Variants in NUP205 observed in about 807,000 individuals in gnomAD.
The protein encoded by NUP205 is nucleoporin 205.
Under a neutral mutation model 253.8 loss-of-function variants are expected in NUP205, and 76 were observed. The ratio of observed to expected loss-of-function variants is 0.30; its 90% CI spans 0.25 to 0.36. The LOEUF is 0.36. NUP205 is among the 10% of genes least tolerant of loss of function. The pLI, the probability that NUP205 is intolerant of heterozygous loss-of-function variation, is 1.00. For synonymous variants in NUP205, 832 were observed against 850.1 expected, an observed-to-expected ratio of 0.98 and a Z score of 0.37; for missense variants, 2,162 against 2,425.5, an observed-to-expected ratio of 0.89 and a Z score of 2.28.
chr7:135,570,788 T>TAA (rs35185893), intron 1 of NUP205, among the ~76,000 whole-genome samples: 3,868 of 48,432 alleles, frequency 0.08, 549 homozygotes, highest in African/African-American at 0.17. Flanking sequence ...TTAATTATAT[T>TAA]TATATATTAT....
At chr7:135,629,959 A>G (rs1794676391) in intron 34 of NUP205, among the ~76,000 whole-genome samples, 1 of 152,186 alleles carries the variant, frequency 6.6e-6, no homozygotes, top group Non-Finnish European at 1.5e-5. Context: ...TTTTATACCC[A>G]TTTATATTAC....
At chr7:135,586,601 A>G (rs1438685377) in intron 8 of NUP205, among the ~76,000 whole-genome samples, 1 of 152,132 alleles carries the variant, frequency 6.6e-6, no homozygotes, top group African/African-American at 2.4e-5. Flanking sequence ...GCTATGCCAC[A>G]CAAATTTTGA....
intron 28 of NUP205, 55 bp downstream of exon 28, chr7:135,618,658 A>C (rs1020673663): frequency 2.1e-5 from 30 of 1,427,660 alleles, no homozygotes; most frequent in Middle Eastern, 1.8e-4. Context: ...CATTTAAACA[A>C]ATATATTTTG....
chr7:135,576,550 T>TA (rs1439825510), intron 4 of NUP205, 136 bp downstream of exon 4: 5 of 740,656 alleles, frequency 6.8e-6, no homozygotes, highest in African/African-American at 1.8e-5. Context: ...CCAAGACAGA[T>TA]ATAACAATTT....
Position 135,580,558 on chromosome 7 carries a change from T to C in NUP205, c.1042+1643T>C, listed in dbSNP as rs186892668. On this transcript the variant is annotated intron_variant, in intron 7 of 42. Coordinates refer to ENST00000285968, the MANE Select transcript of NUP205 (RefSeq NM_015135.3). ...TCAGGTCACTGCAACCTCTGCCTCC[T>C]GGGTTCAAGCAATTCTGCCTCAGCC... Among the ~76,000 whole-genome samples, 547 of 152,228 alleles carry C rather than the reference T, an allele frequency of 3.6e-3. 1 individual carries two copies. Among genetic ancestry groups the C allele is most frequent in the Middle Eastern group, 6.8e-3 (2 of 294 alleles).
chr7:135,571,232 A>G lies in NUP205; in HGVS notation c.156A>G (p.Ser52=), dbSNP rs1167563851. The change falls in exon 2 of 43, where the codon TCA becomes TCG. Residue 52 remains serine (S), a synonymous_variant. Coordinates refer to ENST00000285968, the MANE Select transcript of NUP205 (RefSeq NM_015135.3). ...AGAAACACAAACCTGACTTCATCTCATTGTTCAAAAATCCGGTAAGAAATT... is the reference window on the plus strand; with the variant it reads ...AGAAACACAAACCTGACTTCATCTCGTTGTTCAAAAATCCGGTAAGAAATT... The part of the protein sequence containing the change: ...ILKKHKPDFI[S]LFKNPPKNVQ... The G allele has an allele frequency of 1.4e-6, 2 of 1,388,414 alleles. No homozygotes were observed. Among genetic ancestry groups the G allele is most frequent in the African/African-American group, 1.5e-5 (1 of 66,316 alleles). The allele number at this position is 1,388,414 out of a possible 1,614,324, so 86.0% of individuals were successfully genotyped here. A position where few individuals can be genotyped will look rare whatever the true frequency, so the allele number is the denominator to read the frequency against.
chr7:135,589,392 G>T (rs145258821), intron 10 of NUP205, among the ~76,000 whole-genome samples: 1 of 150,524 alleles, frequency 6.6e-6, no homozygotes, highest in Admixed American at 6.6e-5. Flanking sequence ...AGATTCAAGC[G>T]ATTCTCCTGT....
chr7:135,563,248 C>T (rs914743844), intron 1 of NUP205, among the ~76,000 whole-genome samples: 22 of 152,112 alleles, frequency 1.4e-4, no homozygotes, highest in East Asian at 5.8e-4. Flanking sequence ...AGTGCAGTGG[C>T]GTGATCTCGG....
chr7:135,630,680 T>G (rs1348258389), intron 35 of NUP205, among the ~76,000 whole-genome samples: 1 of 152,164 alleles, frequency 6.6e-6, no homozygotes, highest in East Asian at 1.9e-4. Flanking sequence ...TCTCATCACT[T>G]TGAAAGGCTG....
At chr7:135,566,755 T>C (rs1376909000) in intron 1 of NUP205, among the ~76,000 whole-genome samples, 1 of 152,112 alleles carries the variant, frequency 6.6e-6, no homozygotes, top group Non-Finnish European at 1.5e-5. Context: ...TTTTGTTTTT[T>C]GAGACGGAGT....
At chr7:135,616,829 G>A (rs1236578804) in intron 25 of NUP205, 103 bp downstream of exon 25, 6 of 710,118 alleles carry the variant, frequency 8.4e-6, no homozygotes, top group South Asian at 2.9e-5. Flanking sequence ...CTCTGAACTG[G>A]TATAGAAAAG....
intron 8 of NUP205, among the ~76,000 whole-genome samples, chr7:135,585,430 G>A (rs762382729): frequency 2.0e-5 from 3 of 152,132 alleles, no homozygotes; most frequent in Non-Finnish European, 4.4e-5. Context: ...ATGCTTCTGT[G>A]GGTAGAAAAT....
At position 135,604,263 on chromosome 7, in the gene NUP205, C is replaced by T. The variant is rs371760579; in HGVS notation, c.2703-77C>T. The T allele has an allele frequency of 4.3e-5, 57 of 1,330,902 alleles. No individual in the cohort carries two copies. In the East Asian group the frequency reaches 6.2e-4, roughly 15 times the overall value. The allele number at this position is 1,330,902 out of a possible 1,614,324, so 82.4% of individuals were successfully genotyped here. A position where few individuals can be genotyped will look rare whatever the true frequency, so the allele number is the denominator to read the frequency against. ...TGTATGGGCAGGGGAAGCCCTGGTT[C>T]TAAATTTTCTTTATTGAGAATAGTG... is the stretch of plus-strand genomic sequence containing the variant. On this transcript the variant is annotated intron_variant, in intron 18 of 42. Coordinates refer to ENST00000285968, the MANE Select transcript of NUP205 (RefSeq NM_015135.3).
At chr7:135,595,975 C>T (rs1793825512) in intron 13 of NUP205, among the ~76,000 whole-genome samples, 2 of 151,904 alleles carry the variant, frequency 1.3e-5, no homozygotes, top group South Asian at 2.1e-4. Context: ...GCTCTTGTTG[C>T]CCAGGCTGGA....
At chr7:135,634,046 A>G (rs957647569) in intron 35 of NUP205, among the ~76,000 whole-genome samples, 2 of 152,168 alleles carry the variant, frequency 1.3e-5, no homozygotes, top group African/African-American at 4.8e-5. Context: ...TACCTCCACA[A>G]ATCTTATCAG....
Position 135,638,001 on chromosome 7 carries a change from A to G in NUP205, c.5207A>G (p.Asp1736Gly), listed in dbSNP as rs746586339. ...DRLRQFKFQDDNVEGDKVSKK... is the reference protein window; with the variant it reads ...DRLRQFKFQDGNVEGDKVSKK... ...CTGCGTCAGTTTAAATTTCAAGACG[A>G]TAATGTGGAGGGAGATAAAGTAAGC... Residue 1736 changes from aspartate (D) to glycine (G), a missense_variant, in exon 37 of 43, where the codon GAT (aspartate) becomes GGT (glycine). Asp to Gly is a moderately conservative substitution (Grantham distance 94). Around this residue, in one of 5 missense-constraint regions of NUP205, gnomAD observed 1,144 missense variants for 1,280.9 expected, o/e 0.89. Coordinates refer to ENST00000285968, the MANE Select transcript of NUP205 (RefSeq NM_015135.3). 3.7e-6 allele frequency: 6 copies of G among 1,614,152 alleles called. No individual in the cohort carries two copies. Among genetic ancestry groups the G allele is most frequent in the South Asian group, 1.1e-5 (1 of 91,082 alleles).
intron 28 of NUP205, 42 bp downstream of exon 28, chr7:135,618,645 T>C: frequency 6.9e-7 from 1 of 1,459,750 alleles, no homozygotes. Flanking sequence ...TGAACGAATG[T>C]ATCATTTAAA....
intron 15 of NUP205, 62 bp downstream of exon 15, chr7:135,598,269 G>T (rs1331653771): frequency 2.1e-6 from 3 of 1,395,622 alleles, no homozygotes; most frequent in Non-Finnish European, 3.0e-6. Context: ...TTTATCAAAA[G>T]TATATGGTGC....
In NUP205 at chr7:135,587,892, A is replaced by G; in HGVS notation, c.1373A>G (p.Glu458Gly). The G allele has an allele frequency of 6.2e-7, 1 of 1,613,810 alleles. No individual in the cohort carries two copies. Among genetic ancestry groups the G allele is most frequent in the Non-Finnish European group, 8.5e-7 (1 of 1,179,880 alleles). ...ELYKKNPFHL[E>G]LALEYWCPTE... The stretch of plus-strand genomic sequence containing the variant: ...TATAAAAAGAACCCTTTTCATCTGG[A>G]GCTTGCTCTAGAATATTGGTGTCCC... The change falls in exon 10 of 43, where the codon GAG (glutamate) becomes GGG (glycine). Residue 458 changes from glutamate to glycine, a missense_variant. Transcript: ENST00000285968.
Sources: allele counts gnomAD v4.1 joint callset (sites outside exome capture counted in the v4.1 genomes callset), GRCh38; gene constraint gnomAD v4.1.1; regional missense constraint gnomAD v4.1.1; transcripts MANE v1.5; gene names NCBI Gene and HGNC (gene_info 2026-07-23, HGNC 2026-07-21).